Variants in POTEE observed in about 807,000 individuals in gnomAD.
The protein encoded by POTEE is ANKRD26-like family C member 1A.
POTEE carries 21 observed loss-of-function variants against 74.2 expected under a neutral mutation model. The observed-to-expected ratio is 0.28, with a 90% confidence interval of 0.20 to 0.41. The LOEUF (loss-of-function observed/expected upper bound fraction) is 0.41, where lower values mean the gene tolerates loss of function less well. Ranked by LOEUF, POTEE falls within the 10% of genes least tolerant of loss-of-function variation. The pLI is 1.00. For missense variants in POTEE, 525 were observed against 1,158.6 expected (o/e 0.45, Z 7.94); for synonymous variants, 211 against 432.8 (o/e 0.49, Z 6.36).
chr2:131,219,222 T>A (rs1452821709), intron 4 of POTEE, among the ~76,000 whole-genome samples: 3 of 151,340 alleles, frequency 2.0e-5, no homozygotes, highest in Admixed American at 6.6e-5. Flanking sequence ...TCTACAGATT[T>A]TAAAACAATG....
intron 7 of POTEE, among the ~76,000 whole-genome samples, 193 bp from the exon 8 acceptor site, chr2:131,228,050 GT>G (rs1054219743): frequency 1.3e-5 from 2 of 150,636 alleles, no homozygotes; most frequent in Admixed American, 6.6e-5. Context: ...AGATAAGAGG[GT>G]TTTTTTTGGT....
intron 3 of POTEE, among the ~76,000 whole-genome samples, 91 bp downstream of exon 3, chr2:131,217,774 C>CCGCACG (rs1246468832): frequency 1.4e-4 from 16 of 118,148 alleles, no homozygotes; most frequent in South Asian, 1.3e-3. Flanking sequence ...CACGCGCACG[C>CCGCACG]CGCACGCGCA....
intron 2 of POTEE, among the ~76,000 whole-genome samples, chr2:131,215,495 A>G (rs1040445043): frequency 1.3e-5 from 2 of 151,710 alleles, no homozygotes; most frequent in African/African-American, 4.9e-5. Context: ...TAGAACTTTG[A>G]GAACAAGGTA....
intron 2 of POTEE, among the ~76,000 whole-genome samples, 33 bp downstream of exon 2, chr2:131,211,216 G>A (rs1700348305): frequency 6.6e-6 from 1 of 151,986 alleles, no homozygotes; most frequent in South Asian, 2.1e-4. Context: ...AAGGTGGTAG[G>A]AACCTTGTAG....
In POTEE at chr2:131,264,012, A is replaced by G. The variant is rs1285810037; in HGVS notation, c.2557A>G (p.Met853Val). The change falls in exon 18 of 18, where the codon ATG becomes GTG. Residue 853 changes from methionine (M) to valine (V), a missense_variant. Transcript: ENST00000683005. ...CTCTGGCCGTACTACTGGCATCGTG[A>G]TGGACTCTGGTGACGGGGTCACCCA... Reference protein sequence around the residue: ...YTSGRTTGIVMDSGDGVTHTV... With the variant: ...YTSGRTTGIVVDSGDGVTHTV... 1.2e-6 allele frequency: 2 copies of G among 1,614,028 alleles called. No individual in the cohort carries two copies. Among genetic ancestry groups the G allele is most frequent in the African/African-American group, 2.7e-5 (2 of 74,932 alleles).
intron 4 of POTEE, among the ~76,000 whole-genome samples, chr2:131,222,934 G>A (rs1317698401): frequency 1.3e-5 from 2 of 151,932 alleles, no homozygotes; most frequent in Non-Finnish European, 2.9e-5. Context: ...CAGGGATTGT[G>A]TGATGCCCCA....
chr2:131,231,480 C>G (rs963138518), intron 9 of POTEE, among the ~76,000 whole-genome samples: 2 of 152,000 alleles, frequency 1.3e-5, no homozygotes, highest in Non-Finnish European at 2.9e-5. Flanking sequence ...GTGGTCCTAC[C>G]ATAGATAAAA....
At chr2:131,220,600 G>A (rs1573699963) in intron 4 of POTEE, among the ~76,000 whole-genome samples, 1 of 152,002 alleles carries the variant, frequency 6.6e-6, no homozygotes, top group Non-Finnish European at 1.5e-5. Context: ...GGAAAAGATA[G>A]CGTTCCTGGT....
At chr2:131,255,565 G>GTTTTTTTTT in intron 16 of POTEE, among the ~76,000 whole-genome samples, 1 of 13,604 alleles carries the variant, frequency 7.4e-5, no homozygotes, top group African/African-American at 2.3e-4. Flanking sequence ...CTTTCTCATA[G>GTTTTTTTTT]TTTTTTTTTT....
rs545154090 is a variant in POTEE, at chr2:131,263,637, C to A, written c.2182C>A (p.Arg728=). 5.0e-6 allele frequency: 8 copies of A among 1,585,156 alleles called. No individual in the cohort carries two copies. Among genetic ancestry groups the A allele is most frequent in the Non-Finnish European group, 6.9e-6 (8 of 1,165,698 alleles). Reference sequence around the variant, plus strand: ...CGGCTTTGCGGGCGACGATGCCCCCCGGGCTGTCTTCCCTTCCATCGTGGG... The same window carrying A: ...CGGCTTTGCGGGCGACGATGCCCCCAGGGCTGTCTTCCCTTCCATCGTGGG... ...KAGFAGDDAP[R]AVFPSIVGRP... Residue 728 remains arginine, a synonymous_variant, in exon 18 of 18, where the codon CGG becomes AGG. Transcript: ENST00000683005.
chr2:131,243,867 C>CA (rs1241493314), intron 12 of POTEE, among the ~76,000 whole-genome samples: 1 of 8,582 alleles, frequency 1.2e-4, no homozygotes, highest in Non-Finnish European at 2.3e-4. Context: ...GACTCCGTCT[C>CA]AAAAAAAAAA....
At chr2:131,213,024 G>A (rs567823133) in intron 2 of POTEE, among the ~76,000 whole-genome samples, 5,420 of 150,284 alleles carry the variant, frequency 0.036, 284 homozygotes, top group African/African-American at 0.12. Context: ...ACGATGGCCC[G>A]ATCTTGGCTC....
chr2:131,254,360 TCA>T (rs1491481466), intron 16 of POTEE, among the ~76,000 whole-genome samples: 2 of 50,074 alleles, frequency 4.0e-5, no homozygotes, highest in Non-Finnish European at 8.4e-5. Flanking sequence ...AGACAGGGTC[TCA>T]CTCTGTTTCC....
chr2:131,220,816 T>G (rs6716117), intron 4 of POTEE, among the ~76,000 whole-genome samples: 3 of 151,432 alleles, frequency 2.0e-5, no homozygotes, highest in Admixed American at 1.3e-4. Flanking sequence ...AAAAAATTAG[T>G]TGGGCATGGT....
chr2:131,236,561 C>G (rs535980402), intron 9 of POTEE, among the ~76,000 whole-genome samples, 171 bp from the exon 10 acceptor site: 1 of 151,434 alleles, frequency 6.6e-6, no homozygotes, highest in Non-Finnish European at 1.5e-5. Flanking sequence ...GGTGTCTCCC[C>G]AAGTGGTTTG....
At chr2:131,226,069 A>G (rs550420303) in intron 6 of POTEE, among the ~76,000 whole-genome samples, 8 of 152,300 alleles carry the variant, frequency 5.3e-5, no homozygotes, top group Admixed American at 3.3e-4. Context: ...AGTTTTCTCA[A>G]TTAGAATTGT....
intron 4 of POTEE, among the ~76,000 whole-genome samples, chr2:131,219,251 AGT>A (rs146854416): frequency 0.024 from 3,574 of 151,596 alleles, 56 homozygotes; most frequent in African/African-American, 0.051. Flanking sequence ...ATTATAGAAA[AGT>A]GTATATTGAG....
chr2:131,235,792 C>CAAAA (rs1203876832), intron 9 of POTEE, among the ~76,000 whole-genome samples: 27 of 78,554 alleles, frequency 3.4e-4, no homozygotes, highest in African/African-American at 9.6e-4. Context: ...GACCCTGGCT[C>CAAAA]AAAAAAAAAA....
At chr2:131,209,965 C>G (rs55833697) in intron 1 of POTEE, among the ~76,000 whole-genome samples, 146 bp downstream of exon 1, 13 of 106,606 alleles carry the variant, frequency 1.2e-4, no homozygotes, top group Admixed American at 2.8e-4. Context: ...TGGAGGGGGG[C>G]GGTTTTGGCT....
Sources: allele counts gnomAD v4.1 joint callset (sites outside exome capture counted in the v4.1 genomes callset), GRCh38; gene constraint gnomAD v4.1.1; transcripts MANE v1.5; gene names NCBI Gene and HGNC (gene_info 2026-07-23, HGNC 2026-07-21).